PALS1: variants seen among roughly 807,000 people sequenced by gnomAD.
PALS1 encodes the protein protein associated with LIN7 1, MAGUK p55 family member.
A neutral mutation model predicts 78.9 loss-of-function variants in PALS1; 31 were observed. The ratio of observed to expected loss-of-function variants is 0.39; its 90% CI spans 0.30 to 0.53. The LOEUF (loss-of-function observed/expected upper bound fraction) is 0.53, where lower values mean the gene tolerates loss of function less well. Among genes scored for constraint, PALS1 ranks in the 20% least tolerant of loss-of-function variants. The pLI is 0.67. For synonymous variants in PALS1, 276 were observed against 270.9 expected (o/e 1.02, Z -0.18); for missense variants, 704 against 826.5 (o/e 0.85, Z 1.82).
At chr14:67,248,293 G>A (rs953485036) in intron 1 of PALS1, among the ~76,000 whole-genome samples, 1 of 152,018 alleles carries the variant, frequency 6.6e-6, no homozygotes, top group Non-Finnish European at 1.5e-5. Flanking sequence ...GGCTGAGGTG[G>A]GAGGGTCGCT....
intron 14 of PALS1, 27 bp downstream of exon 14, chr14:67,323,839 T>C: frequency 8.4e-7 from 1 of 1,190,278 alleles, no homozygotes; most frequent in East Asian, 2.6e-5. Context: ...ATTGTACTAT[T>C]CCATTGAAGG....
At chr14:67,289,695 T>G (rs1037022505) in intron 3 of PALS1, among the ~76,000 whole-genome samples, 3 of 151,536 alleles carry the variant, frequency 2.0e-5, no homozygotes, top group Non-Finnish European at 4.4e-5. Flanking sequence ...TAAATAAGAG[T>G]CAGTGGTGTT....
chr14:67,329,880 A>T (rs10144212), intron 14 of PALS1, among the ~76,000 whole-genome samples: 3,862 of 89,636 alleles, frequency 0.043, 87 homozygotes, highest in African/African-American at 0.2. Context: ...ATAAATAAAT[A>T]GATATAGAAA....
intron 1 of PALS1, among the ~76,000 whole-genome samples, chr14:67,267,634 G>A (rs1486562474): frequency 2.0e-5 from 3 of 152,162 alleles, no homozygotes; most frequent in African/African-American, 7.2e-5. Context: ...TAAGATTTAG[G>A]TTTTATGGGA....
At position 67,320,226 on chromosome 14, in the gene PALS1, A is replaced by G; in HGVS notation, c.1370-4A>G. Reference sequence around the variant, plus strand: ...TTGAAGAGCTTAACTTTTTTTTCCCAAAGATTATGACAACGAGGAGATCTT... The same window carrying G: ...TTGAAGAGCTTAACTTTTTTTTCCCGAAGATTATGACAACGAGGAGATCTT... On this transcript the variant is annotated splice_polypyrimidine_tract_variant and splice_region_variant and intron_variant, in intron 11 of 14. Coordinates refer to ENST00000261681, the MANE Select transcript of PALS1 (RefSeq NM_022474.4). 1 of 1,598,596 alleles carries G rather than the reference A, an allele frequency of 6.3e-7. No homozygotes were observed. The highest frequency in any genetic ancestry group is 1.4e-5 in the African/African-American group (1 of 73,810).
Position 67,302,134 on chromosome 14 carries a change from ACT to A in PALS1, c.801+17_801+18del. 6.3e-7 allele frequency: 1 copy of A among 1,582,548 alleles called. No individual in the cohort carries two copies. Among genetic ancestry groups the A allele is most frequent in the Non-Finnish European group, 8.6e-7 (1 of 1,167,576 alleles). On this transcript the variant is annotated intron_variant, in intron 6 of 14. Coordinates refer to ENST00000261681, the MANE Select transcript of PALS1 (RefSeq NM_022474.4). ...TATTCCGTTGGTAAGTGTCCCACAT[ACT>A]GTTTTTAAACAAGTGCATTTTTCTG... is the stretch of plus-strand genomic sequence containing the variant.
At chr14:67,303,022 A>G (rs746941469) in intron 7 of PALS1, among the ~76,000 whole-genome samples, 5 of 152,366 alleles carry the variant, frequency 3.3e-5, no homozygotes, top group Admixed American at 2.0e-4. Flanking sequence ...CTAGCTGCAT[A>G]TAGCTATTTC....
chr14:67,303,662 T>G, intron 8 of PALS1, 63 bp downstream of exon 8: 1 of 1,153,160 alleles, frequency 8.7e-7, no homozygotes, highest in South Asian at 1.2e-5. Flanking sequence ...TCTGTTACTG[T>G]TTACTGTTAC....
At chr14:67,280,488 T>A (rs1416344434) in intron 3 of PALS1, among the ~76,000 whole-genome samples, 1 of 152,244 alleles carries the variant, frequency 6.6e-6, no homozygotes, top group Admixed American at 6.5e-5. Flanking sequence ...CATTGTTTCA[T>A]GTAATAAAAT....
intron 3 of PALS1, among the ~76,000 whole-genome samples, chr14:67,283,023 G>A (rs1311090297): frequency 1.3e-5 from 2 of 152,056 alleles, no homozygotes; most frequent in African/African-American, 2.4e-5. Context: ...TAAAATTGTT[G>A]TCTTTGAAGC....
At chr14:67,248,817 A>T (rs1201168104) in intron 1 of PALS1, among the ~76,000 whole-genome samples, 1 of 151,844 alleles carries the variant, frequency 6.6e-6, no homozygotes, top group African/African-American at 2.4e-5. Flanking sequence ...TTACATACCA[A>T]CATTTTTATT....
intron 1 of PALS1, among the ~76,000 whole-genome samples, chr14:67,242,977 T>A (rs917419386): frequency 1.1e-4 from 17 of 152,204 alleles, no homozygotes; most frequent in Non-Finnish European, 1.3e-4. Flanking sequence ...ATTATGATTT[T>A]GATTAAAAAT....
chr14:67,329,277 TTGTC>T (rs1180730898), intron 14 of PALS1, among the ~76,000 whole-genome samples: 3 of 151,798 alleles, frequency 2.0e-5, no homozygotes, highest in South Asian at 2.1e-4. Flanking sequence ...GGCTCTCTCT[TTGTC>T]TGTTATTGAT....
chr14:67,305,386 C>A (rs1430362148), intron 8 of PALS1, among the ~76,000 whole-genome samples: 1 of 151,958 alleles, frequency 6.6e-6, no homozygotes, highest in Non-Finnish European at 1.5e-5. Flanking sequence ...CTCAAGCAGT[C>A]CTCCTACCTC....
Position 67,332,651 on chromosome 14 carries a change from C to G in PALS1, c.1852-129C>G, listed in dbSNP as rs72717391. On this transcript the variant is annotated intron_variant, in intron 14 of 14. Transcript: ENST00000261681. ...TGGCCGTGACAGGGTTGGAAAGGAG[C>G]TCCTGAGGTTGGGAGAGACAGAAGG... 25 of 877,746 alleles carry G rather than the reference C, an allele frequency of 2.8e-5. 1 individual carries two copies. The South Asian group carries it at 4.6e-4, about 16-fold the overall frequency. 54.4% of individuals were successfully genotyped at this position (877,746 alleles called of 1,614,324 possible).
intron 8 of PALS1, among the ~76,000 whole-genome samples, chr14:67,308,093 G>C (rs763265927): frequency 5.6e-4 from 85 of 152,062 alleles, no homozygotes; most frequent in Non-Finnish European, 1.1e-3. Context: ...TAGAGGGCAG[G>C]GGGAGGGAGA....
rs745981955 is a variant in PALS1 at position 67,320,279 on chromosome 14, T to C, written c.1419T>C (p.His473=). 8.7e-6 allele frequency: 14 copies of C among 1,613,692 alleles called. No individual in the cohort carries two copies. Among genetic ancestry groups the C allele is most frequent in the African/African-American group, 1.3e-5 (1 of 74,920 alleles). ...ILTYEEMSLY[H]QPANRKRPII... Reference sequence around the variant, plus strand: ...CCTATGAGGAAATGTCACTTTATCATCAGCCAGCAAATAGGAAGAGACCTA... The same window carrying C: ...CCTATGAGGAAATGTCACTTTATCACCAGCCAGCAAATAGGAAGAGACCTA... The change falls in exon 12 of 15, where the codon CAT becomes CAC. Residue 473 remains histidine (H), a synonymous_variant. Coordinates refer to ENST00000261681, the MANE Select transcript of PALS1 (RefSeq NM_022474.4).
At chr14:67,330,747 C>T (rs1010440479) in intron 14 of PALS1, among the ~76,000 whole-genome samples, 9 of 152,186 alleles carry the variant, frequency 5.9e-5, no homozygotes, top group East Asian at 1.9e-4. Flanking sequence ...CCTGAGCCCC[C>T]GGCACCCCGC....
At chr14:67,283,169 A>C (rs2084627954) in intron 3 of PALS1, among the ~76,000 whole-genome samples, 1 of 152,176 alleles carries the variant, frequency 6.6e-6, no homozygotes, top group South Asian at 2.1e-4. Flanking sequence ...AAGGAAAAAC[A>C]CACCACGGGG....
Sources: allele counts gnomAD v4.1 joint callset (sites outside exome capture counted in the v4.1 genomes callset), GRCh38; gene constraint gnomAD v4.1.1; transcripts MANE v1.5; gene names NCBI Gene and HGNC (gene_info 2026-07-23, HGNC 2026-07-21).